NCKAP5: variants seen among roughly 807,000 people sequenced by gnomAD.
NCKAP5 encodes nck-associated protein 5.
In NCKAP5, 92 loss-of-function variants were observed where a neutral mutation model predicts 167.0. The ratio of observed to expected loss-of-function variants is 0.55; its 90% CI spans 0.47 to 0.66. The LOEUF (loss-of-function observed/expected upper bound fraction) is 0.66. Among genes scored for constraint, NCKAP5 ranks in the 30% least tolerant of loss-of-function variants. NCKAP5 has a pLI of 0.00. For synonymous variants in NCKAP5, 891 were observed against 877.4 expected (o/e 1.02, Z -0.27); for missense variants, 2,378 against 2,315.0 (o/e 1.03, Z -0.56).
intron 3 of NCKAP5, among the ~76,000 whole-genome samples, chr2:133,466,402 G>T (rs1692593884): frequency 6.7e-6 from 1 of 149,658 alleles, no homozygotes; most frequent in Non-Finnish European, 1.5e-5. Flanking sequence ...ATGCTGTTTT[G>T]GTTACTGTAG....
At position 132,783,757 on chromosome 2, in the gene NCKAP5, G is replaced by T. The variant is rs1476720557; in HGVS notation, c.3054C>A (p.Thr1018=). The change falls in exon 14 of 20, where the codon ACC becomes ACA. Residue 1018 remains threonine, a synonymous_variant. Transcript: ENST00000409261. ...TGGAGGGGGCATGAGCAGGGCATCG[G>T]GTTTGAATGACTGCTTCTGGGGAGG... ...PMPSPEAVIQ[T]RCPAHAPSSS... The T allele has an allele frequency of 6.3e-7, 1 of 1,592,300 alleles. No individual in the cohort carries two copies. The highest frequency in any genetic ancestry group is 2.2e-5 in the East Asian group (1 of 44,728).
chr2:132,847,948 G>A (rs191568137), intron 11 of NCKAP5, among the ~76,000 whole-genome samples: 1 of 152,342 alleles, frequency 6.6e-6, no homozygotes, highest in Admixed American at 6.5e-5. Flanking sequence ...AAAGGAGGAT[G>A]TAAATATTCT....
intron 3 of NCKAP5, among the ~76,000 whole-genome samples, chr2:133,441,094 T>TCACACACACACA (rs56053040): frequency 2.0e-5 from 3 of 149,628 alleles, no homozygotes; most frequent in African/African-American, 7.3e-5. Flanking sequence ...ACACACACAC[T>TCACACACACACA]CACACACACA....
At chr2:133,348,135 A>G (rs911516698) in intron 3 of NCKAP5, among the ~76,000 whole-genome samples, 1 of 152,114 alleles carries the variant, frequency 6.6e-6, no homozygotes. Flanking sequence ...CATTACCGCA[A>G]TATGCTTACA....
intron 3 of NCKAP5, among the ~76,000 whole-genome samples, chr2:133,499,647 C>A (rs1464714366): frequency 6.6e-6 from 1 of 152,192 alleles, no homozygotes; most frequent in Non-Finnish European, 1.5e-5. Flanking sequence ...GCAACCTCAG[C>A]CTCCCGGGTT....
chr2:133,217,668 T>C (rs1477235565), intron 4 of NCKAP5, among the ~76,000 whole-genome samples: 2 of 152,078 alleles, frequency 1.3e-5, no homozygotes, highest in Non-Finnish European at 2.9e-5. Flanking sequence ...ATTTAGTTCA[T>C]CTCTTTAACA....
At chr2:133,646,370 C>T in the NCKAP5 span, among the ~76,000 whole-genome samples, 1 of 152,020 alleles carries the variant, frequency 6.6e-6, no homozygotes, top group East Asian at 1.9e-4. Flanking sequence ...ACAAGGGAAA[C>T]TTTTATGAGA....
At chr2:132,988,483 A>G (rs886930613) in intron 7 of NCKAP5, among the ~76,000 whole-genome samples, 3 of 147,096 alleles carry the variant, frequency 2.0e-5, no homozygotes, top group African/African-American at 5.0e-5. Context: ...AAAAAAAAAA[A>G]GCCATCACTT....
At position 133,434,053 on chromosome 2, in the gene NCKAP5, C is replaced by T. The variant is rs971096497; in HGVS notation, c.69+83405G>A. Among the ~76,000 whole-genome samples, 5 of 152,072 alleles carry T rather than the reference C, an allele frequency of 3.3e-5. No individual in the cohort carries two copies. In the South Asian group the frequency reaches 1.0e-3, roughly 32 times the overall value. On this transcript the variant is annotated intron_variant, in intron 3 of 19. Coordinates refer to ENST00000409261, the MANE Select transcript of NCKAP5 (RefSeq NM_207363.3). Reference sequence around the variant, plus strand: ...AAATACTTATACATGATTTCCAGAACAAAGCATTCTCTCATTGTTCCAGAC... The same window carrying T: ...AAATACTTATACATGATTTCCAGAATAAAGCATTCTCTCATTGTTCCAGAC...
rs139560111 is a variant in NCKAP5, at chr2:133,267,653, AT to A, written c.143+35383del. On this transcript the variant is annotated intron_variant, in intron 4 of 19. Coordinates refer to ENST00000409261, the MANE Select transcript of NCKAP5 (RefSeq NM_207363.3). ...CATTTTGAATTTAAAAGATTCGCAT[AT>A]TTTTTTTTCTTTTTCTCATGAAAAT... 2.4e-3 allele frequency among the ~76,000 whole-genome samples: 368 copies of A among 151,592 alleles called. 1 individual carries two copies. Among genetic ancestry groups the A allele is most frequent in the African/African-American group, 8.0e-3 (330 of 41,342 alleles).
chr2:132,762,225 T>C (rs1294695101), intron 16 of NCKAP5, among the ~76,000 whole-genome samples: 1 of 149,722 alleles, frequency 6.7e-6, no homozygotes, highest in Non-Finnish European at 1.5e-5. Context: ...GCCCAGCATA[T>C]AGAGAGCTCT....
chr2:132,759,584 A>T (rs35523231), intron 16 of NCKAP5, among the ~76,000 whole-genome samples: 18,301 of 152,164 alleles, frequency 0.12, 1,282 homozygotes, highest in East Asian at 0.28. Context: ...CATGACTCAC[A>T]GATGAGTACA....
intron 15 of NCKAP5, among the ~76,000 whole-genome samples, chr2:132,778,145 T>A (rs1682709136): frequency 6.6e-6 from 1 of 152,054 alleles, no homozygotes; most frequent in South Asian, 2.1e-4. Context: ...ACCAAAGCAG[T>A]CTTTCTAGGA....
At chr2:133,209,700 TA>T (rs1387560316) in intron 5 of NCKAP5, among the ~76,000 whole-genome samples, 1 of 152,078 alleles carries the variant, frequency 6.6e-6, no homozygotes, top group Non-Finnish European at 1.5e-5. Flanking sequence ...ACTGCTCTAA[TA>T]AAGTCTTAAG....
intron 13 of NCKAP5, among the ~76,000 whole-genome samples, chr2:132,786,909 CCTAA>C (rs1346237353): frequency 6.6e-6 from 1 of 152,182 alleles, no homozygotes; most frequent in Non-Finnish European, 1.5e-5. Flanking sequence ...AGCTTGCAGT[CCTAA>C]CTGATGCTAT....
intron 3 of NCKAP5, among the ~76,000 whole-genome samples, chr2:133,476,432 C>T (rs568771917): frequency 1.3e-5 from 2 of 152,232 alleles, no homozygotes; most frequent in African/African-American, 2.4e-5. Flanking sequence ...GCTGCCCTCG[C>T]ATTGGAGAGG....
At chr2:132,723,813 C>T (rs1026778536) in intron 19 of NCKAP5, among the ~76,000 whole-genome samples, 3 of 152,170 alleles carry the variant, frequency 2.0e-5, no homozygotes, top group East Asian at 3.9e-4. Flanking sequence ...GTAACAGTCT[C>T]TTAGTTGATC....
intron 2 of NCKAP5, among the ~76,000 whole-genome samples, chr2:133,547,714 G>A (rs369494041): frequency 2.3e-4 from 35 of 149,044 alleles, no homozygotes; most frequent in Admixed American, 7.4e-4. Flanking sequence ...CATCCACATC[G>A]AAAACCCATC....
chr2:133,572,650 A>G (rs1393394995), upstream of NCKAP5, among the ~76,000 whole-genome samples: 1 of 152,188 alleles, frequency 6.6e-6, no homozygotes, highest in East Asian at 1.9e-4. Flanking sequence ...CCTGGAGCTA[A>G]TTGTTCTACC....
Sources: gnomAD v4.1 joint callset for allele counts (sites outside exome capture counted in the v4.1 genomes callset) on GRCh38, gnomAD v4.1.1 for gene constraint, MANE v1.5 for transcripts, NCBI Gene and HGNC (gene_info 2026-07-23, HGNC 2026-07-21) for gene names.